PAPPA2: variants seen among roughly 807,000 people sequenced by gnomAD.
PAPPA2 encodes pappalysin-2.
A neutral mutation model predicts 176.4 loss-of-function variants in PAPPA2; 86 were observed. That is an observed-to-expected ratio of 0.49 (90% CI 0.41 to 0.58). The LOEUF is 0.58. PAPPA2 is among the 20% of genes least tolerant of loss of function. PAPPA2 has a pLI of 0.00. For synonymous variants in PAPPA2, 809 were observed against 852.2 expected, an observed-to-expected ratio of 0.95 and a Z score of 0.88; for missense variants, 2,073 against 2,256.9, an observed-to-expected ratio of 0.92 and a Z score of 1.65.
intron 15 of PAPPA2, among the ~76,000 whole-genome samples, chr1:176,767,492 T>C (rs1260259159): frequency 6.6e-6 from 1 of 151,998 alleles, no homozygotes; most frequent in East Asian, 1.9e-4. Flanking sequence ...GGACTACAGG[T>C]GCATGCCACC....
chr1:176,700,946 G>A (rs553796431), intron 8 of PAPPA2, among the ~76,000 whole-genome samples: 1 of 152,136 alleles, frequency 6.6e-6, no homozygotes, highest in Non-Finnish European at 1.5e-5. Flanking sequence ...AAAAGCTAAT[G>A]CAAATGCAAA....
At chr1:176,682,270 A>G (rs1356833587) in intron 4 of PAPPA2, among the ~76,000 whole-genome samples, 2 of 152,122 alleles carry the variant, frequency 1.3e-5, no homozygotes, top group Non-Finnish European at 2.9e-5. Flanking sequence ...GAAGGTGAAG[A>G]GGGGGATGTG....
rs955996071 is a variant in PAPPA2 at position 176,478,350 on chromosome 1, G to T, written c.-917+14932G>T. Among the ~76,000 whole-genome samples the T allele has an allele frequency of 3.9e-5, 6 of 152,236 alleles. No homozygotes were observed. In the East Asian group the frequency reaches 9.6e-4, roughly 24 times the overall value. ...AAGATCATAGACTCAGAAGGAGTTGGATAAACCTCAATTTGGTTCCTGGCT... is the reference window on the plus strand; with the variant it reads ...AAGATCATAGACTCAGAAGGAGTTGTATAAACCTCAATTTGGTTCCTGGCT... On this transcript the variant is annotated intron_variant, in intron 1 of 22. Transcript: ENST00000367662.
chr1:176,690,356 C>A lies in PAPPA2; in HGVS notation c.2357C>A (p.Pro786Gln). 1 of 1,614,176 alleles carries A rather than the reference C, an allele frequency of 6.2e-7. No individual in the cohort carries two copies. The highest frequency in any genetic ancestry group is 2.2e-5 in the East Asian group (1 of 44,864). ...CCCAAGAGTGAGCTGTGCCGGGAACCAGAGCCCACTAGTGACACCTGTGGC... is the reference window on the plus strand; with the variant it reads ...CCCAAGAGTGAGCTGTGCCGGGAACAAGAGCCCACTAGTGACACCTGTGGC... ...PTPKSELCREPEPTSDTCGFT... is the reference protein window; with the variant it reads ...PTPKSELCREQEPTSDTCGFT... Residue 786 changes from proline to glutamine, a missense_variant, in exon 5 of 23, where the codon CCA becomes CAA. Physicochemically the swap from Pro to Gln is moderately conservative, Grantham distance 76 (BLOSUM62 -1). This residue lies in a region of PAPPA2 where 1,196 missense variants were observed against 1,330.4 expected (regional missense o/e 0.90). Transcript: ENST00000367662.
At chr1:176,684,123 A>G (rs540882668) in intron 4 of PAPPA2, among the ~76,000 whole-genome samples, 4 of 152,316 alleles carry the variant, frequency 2.6e-5, no homozygotes, top group African/African-American at 9.6e-5. Context: ...CCACAGCCAA[A>G]AAAGGATTTC....
At chr1:176,481,329 A>G (rs1158750530) in intron 1 of PAPPA2, among the ~76,000 whole-genome samples, 2 of 150,968 alleles carry the variant, frequency 1.3e-5, no homozygotes, top group Non-Finnish European at 2.9e-5. Context: ...CAACAGGGCC[A>G]TCGTGCTGTC....
chr1:176,774,822 C>T (rs1664384843), intron 17 of PAPPA2, among the ~76,000 whole-genome samples: 2 of 152,174 alleles, frequency 1.3e-5, no homozygotes, highest in Non-Finnish European at 2.9e-5. Flanking sequence ...AGCAGGGCTT[C>T]GCTTACTTCT....
chr1:176,613,083 G>C (rs1470848673), intron 3 of PAPPA2, among the ~76,000 whole-genome samples: 1 of 152,184 alleles, frequency 6.6e-6, no homozygotes, highest in Non-Finnish European at 1.5e-5. Flanking sequence ...TCTCTTGGGA[G>C]GGGGAAGATT....
chr1:176,795,537 A>C (rs960522386), intron 20 of PAPPA2, among the ~76,000 whole-genome samples: 1 of 152,236 alleles, frequency 6.6e-6, no homozygotes, highest in African/African-American at 2.4e-5. Context: ...TGTTTTGCAA[A>C]GTAGTAGTCC....
At chr1:176,672,575 CA>C (rs879672713) in intron 4 of PAPPA2, among the ~76,000 whole-genome samples, 106 of 135,990 alleles carry the variant, frequency 7.8e-4, no homozygotes, top group Non-Finnish European at 6.1e-4. Context: ...AGCGATAGAC[CA>C]AAAAAAAAAA....
chr1:176,508,793 C>T (rs1395296230), intron 1 of PAPPA2, among the ~76,000 whole-genome samples: 2 of 151,838 alleles, frequency 1.3e-5, no homozygotes, highest in Non-Finnish European at 2.9e-5. Context: ...AAAAGTGTAA[C>T]ACTGTCCCCC....
chr1:176,554,518 A>T (rs1343060808), intron 1 of PAPPA2, among the ~76,000 whole-genome samples: 3 of 152,246 alleles, frequency 2.0e-5, no homozygotes, highest in African/African-American at 7.2e-5. Flanking sequence ...TTATCTAGGC[A>T]TCTAGGCAAA....
intron 2 of PAPPA2, among the ~76,000 whole-genome samples, chr1:176,587,697 C>T (rs1219193862): frequency 6.6e-6 from 1 of 152,054 alleles, no homozygotes; most frequent in African/African-American, 2.4e-5. Context: ...TAGACTTGTA[C>T]TATAGTTTGA....
At chr1:176,633,126 C>T (rs1656444256) in intron 3 of PAPPA2, among the ~76,000 whole-genome samples, 1 of 152,182 alleles carries the variant, frequency 6.6e-6, no homozygotes, top group Non-Finnish European at 1.5e-5. Context: ...AGGTAAGTCA[C>T]TTGCTGGAAG....
chr1:176,837,981 T>C (rs991648701), intron 21 of PAPPA2, among the ~76,000 whole-genome samples: 2 of 152,180 alleles, frequency 1.3e-5, no homozygotes, highest in African/African-American at 4.8e-5. Context: ...TTCTAATAGG[T>C]ATATAGTAAA....
intron 12 of PAPPA2, among the ~76,000 whole-genome samples, chr1:176,732,455 G>A (rs1284375904): frequency 6.6e-6 from 1 of 152,036 alleles, no homozygotes; most frequent in Non-Finnish European, 1.5e-5. Context: ...GATTTCTTTC[G>A]GATCTGCATT....
In PAPPA2 at chr1:176,702,745, TTGTGTG is replaced by T. The variant is rs763532990; in HGVS notation, c.3365+37_3365+42del. 2.2e-4 allele frequency: 262 copies of T among 1,199,940 alleles called. No homozygotes were observed. The highest frequency in any genetic ancestry group is 2.4e-4 in the Non-Finnish European group (215 of 877,920). The allele number at this position is 1,199,940 out of a possible 1,614,324, so 74.3% of individuals were successfully genotyped here. The stretch of plus-strand genomic sequence containing the variant: ...ATGGGAAGGTGTCAGAGTGAGTATT[TTGTGTG>T]TGTGTGTGTGTGTGTGTGTGTGTGT... On this transcript the variant is annotated intron_variant, in intron 9 of 22. Coordinates refer to ENST00000367662, the MANE Select transcript of PAPPA2 (RefSeq NM_020318.3).
intron 21 of PAPPA2, among the ~76,000 whole-genome samples, chr1:176,809,951 A>AGTGTGTGTGTGTGTGTGT (rs55858181): frequency 7.5e-6 from 1 of 133,706 alleles, no homozygotes; most frequent in Non-Finnish European, 1.6e-5. Flanking sequence ...GACAAGATGC[A>AGTGTGTGTGTGTGTGTGT]GTGTGTGTGT....
At position 176,699,486 on chromosome 1, in the gene PAPPA2, T is replaced by C; in HGVS notation, c.3133T>C (p.Cys1045Arg). The change falls in exon 8 of 23, where the codon TGC becomes CGC. Residue 1045 changes from cysteine to arginine, a missense_variant. Around this residue, in one of 4 missense-constraint regions of PAPPA2, gnomAD observed 4 missense variants for 16.5 expected, o/e 0.24. Coordinates refer to ENST00000367662, the MANE Select transcript of PAPPA2 (RefSeq NM_020318.3). ...LLTSQPHSPLCSGCRPVRYQV... is the reference protein window; with the variant it reads ...LLTSQPHSPLRSGCRPVRYQV... Reference sequence around the variant, plus strand: ...GACTTCTCAGCCCCACAGTCCCTTGTGCTCTGGCTGCAGGCCTGTGAGGTA... The same window carrying C: ...GACTTCTCAGCCCCACAGTCCCTTGCGCTCTGGCTGCAGGCCTGTGAGGTA... 1 of 1,614,138 alleles carries C rather than the reference T, an allele frequency of 6.2e-7. No homozygotes were observed.
Sources: gnomAD v4.1 joint callset for allele counts (sites outside exome capture counted in the v4.1 genomes callset) on GRCh38, gnomAD v4.1.1 for gene constraint, gnomAD v4.1.1 regional missense constraint, MANE v1.5 for transcripts, NCBI Gene and HGNC (gene_info 2026-07-23, HGNC 2026-07-21) for gene names.